Variants in PLPP4 observed in about 807,000 individuals in gnomAD.
PLPP4 encodes diacylglycerol pyrophosphate like 2.
In PLPP4, 20 loss-of-function variants were observed where a neutral mutation model predicts 32.2. That is an observed-to-expected ratio of 0.62 (90% CI 0.44 to 0.90). PLPP4 has a LOEUF of 0.90. Among genes scored for constraint, PLPP4 ranks in the 40% least tolerant of loss-of-function variants. The probability of loss-of-function intolerance (pLI) is 0.00; values close to 1 mark genes in which losing one functional copy is unlikely to be tolerated. For missense variants in PLPP4, 257 were observed against 353.1 expected, an observed-to-expected ratio of 0.73 and a Z score of 2.18; for synonymous variants, 127 against 133.0, an observed-to-expected ratio of 0.95 and a Z score of 0.31.
At chr10:120,484,354 T>C (rs1314022783) in intron 1 of PLPP4, among the ~76,000 whole-genome samples, 2 of 152,182 alleles carry the variant, frequency 1.3e-5, no homozygotes, top group African/African-American at 4.8e-5. Flanking sequence ...TACCTGAAAT[T>C]GGATAATTCA....
chr10:120,486,179 C>T (rs1431715903), intron 1 of PLPP4, among the ~76,000 whole-genome samples: 1 of 152,198 alleles, frequency 6.6e-6, no homozygotes, highest in African/African-American at 2.4e-5. Flanking sequence ...CACCCTCTAT[C>T]TTACTAGTGT....
chr10:120,465,343 G>A (rs1018913867), intron 1 of PLPP4, among the ~76,000 whole-genome samples: 3 of 152,164 alleles, frequency 2.0e-5, no homozygotes, highest in East Asian at 1.9e-4. Flanking sequence ...TGCCTGGGGC[G>A]AGTGAGAGGA....
intron 1 of PLPP4, among the ~76,000 whole-genome samples, chr10:120,491,627 T>C (rs565631175): frequency 6.6e-6 from 1 of 152,368 alleles, no homozygotes; most frequent in African/African-American, 2.4e-5. Flanking sequence ...AGCATCTCAA[T>C]GGCCAATGGG....
intron 6 of PLPP4, among the ~76,000 whole-genome samples, chr10:120,579,589 C>A (rs747864818): frequency 6.6e-6 from 1 of 152,148 alleles, no homozygotes. Flanking sequence ...ATACTTCTGG[C>A]CTCAAGAAGC....
At chr10:120,562,145 T>C (rs561608848) in intron 5 of PLPP4, among the ~76,000 whole-genome samples, 17 of 152,350 alleles carry the variant, frequency 1.1e-4, no homozygotes, top group African/African-American at 3.8e-4. Context: ...TTTAAAGGAT[T>C]TGCACATCAT....
chr10:120,561,683 G>A (rs1317350594), intron 5 of PLPP4, among the ~76,000 whole-genome samples: 1 of 152,106 alleles, frequency 6.6e-6, no homozygotes, highest in Non-Finnish European at 1.5e-5. Context: ...ATACAGTTGT[G>A]GTCATTCAGG....
At chr10:120,544,070 A>C (rs569916097) in intron 5 of PLPP4, among the ~76,000 whole-genome samples, 2 of 152,334 alleles carry the variant, frequency 1.3e-5, no homozygotes, top group African/African-American at 4.8e-5. Flanking sequence ...ATGCTGCTAC[A>C]GACACAGGGG....
intron 5 of PLPP4, among the ~76,000 whole-genome samples, chr10:120,552,716 G>A (rs1847968107): frequency 6.6e-6 from 1 of 152,108 alleles, no homozygotes; most frequent in African/African-American, 2.4e-5. Flanking sequence ...CTGAATCTAT[G>A]ACCTACTTTG....
chr10:120,457,593 C>T (rs939214135), intron 1 of PLPP4, among the ~76,000 whole-genome samples: 3 of 152,190 alleles, frequency 2.0e-5, no homozygotes, highest in Non-Finnish European at 2.9e-5. Context: ...CTGAGACCTG[C>T]TCCCGGGTCT....
In PLPP4 at chr10:120,513,917, T is replaced by G. The variant is rs749229296; in HGVS notation, c.172T>G (p.Ser58Ala). 6.2e-7 allele frequency: 1 copy of G among 1,613,718 alleles called. No individual in the cohort carries two copies. The highest frequency in any genetic ancestry group is 1.7e-5 in the Admixed American group (1 of 60,000). ...TGTTTGTTATTTCTTCCAGGCAATT[T>G]CTTTCCTCACACCCCTGGCTGTTAT... ...NIPTRLMFAISFLTPLAVICV... is the reference protein window; with the variant it reads ...NIPTRLMFAIAFLTPLAVICV... Residue 58 changes from serine to alanine, a missense_variant, in exon 3 of 7, where the codon TCT becomes GCT. By Grantham distance (99) the Ser-to-Ala change is moderately conservative (BLOSUM62 1). Coordinates refer to ENST00000398250, the MANE Select transcript of PLPP4 (RefSeq NM_001030059.3).
At position 120,590,727 on chromosome 10, in the gene PLPP4, GGTGCTACGAGGT is replaced by G. The variant is rs1237623600; in HGVS notation, c.*1227_*1238del. Among the ~76,000 whole-genome samples, 1 of 151,684 alleles carries G rather than the reference GGTGCTACGAGGT, an allele frequency of 6.6e-6. No homozygotes were observed. Among genetic ancestry groups the G allele is most frequent in the East Asian group, 1.9e-4 (1 of 5,154 alleles). ...GTGGTTGTTCAGATTCCTGGGCCTG[GGTGCTACGAGGT>G]GATGCATCTTTGCTATCCAGAGTGT... On this transcript the variant is annotated 3_prime_UTR_variant, in exon 7 of 7. Coordinates refer to ENST00000398250, the MANE Select transcript of PLPP4 (RefSeq NM_001030059.3).
intron 6 of PLPP4, among the ~76,000 whole-genome samples, chr10:120,583,177 G>A (rs572188325): frequency 1.3e-5 from 2 of 151,930 alleles, no homozygotes; most frequent in South Asian, 4.2e-4. Context: ...TGACAGAAGG[G>A]ATGATCTTCT....
At chr10:120,548,196 C>T (rs2133979258) in intron 5 of PLPP4, among the ~76,000 whole-genome samples, 1 of 152,116 alleles carries the variant, frequency 6.6e-6, no homozygotes, top group East Asian at 1.9e-4. Context: ...GCATAGTACT[C>T]AATAGGTGTT....
At chr10:120,468,773 T>A (rs1848403120) in intron 1 of PLPP4, among the ~76,000 whole-genome samples, 1 of 65,440 alleles carries the variant, frequency 1.5e-5, no homozygotes, top group Non-Finnish European at 4.5e-5. Flanking sequence ...ACTAAAATAC[T>A]TAAGAAAAAT....
At chr10:120,578,761 TC>T (rs1408460414) in intron 6 of PLPP4, among the ~76,000 whole-genome samples, 1 of 152,206 alleles carries the variant, frequency 6.6e-6, no homozygotes, top group Admixed American at 6.5e-5. Context: ...TAGCAGAACT[TC>T]CCCAGACACA....
chr10:120,541,160 C>G (rs757680838), intron 5 of PLPP4, among the ~76,000 whole-genome samples: 3 of 152,100 alleles, frequency 2.0e-5, no homozygotes, highest in Non-Finnish European at 2.9e-5. Flanking sequence ...AAGTATGTTT[C>G]TATATTGATG....
chr10:120,457,071 G>C, upstream of PLPP4: 1 of 201,450 alleles, frequency 5.0e-6, no homozygotes, highest in African/African-American at 2.3e-5. Context: ...TAGGAGGCGG[G>C]GTCCGCAGTA....
At position 120,518,844 on chromosome 10, in the gene PLPP4, G is replaced by A. The variant is rs756082048; in HGVS notation, c.268G>A (p.Ala90Thr). The A allele has an allele frequency of 5.0e-6, 8 of 1,612,330 alleles. No homozygotes were observed. In the South Asian group the frequency reaches 7.7e-5, roughly 16 times the overall value. The change falls in exon 4 of 7, where the codon GCT becomes ACT. Residue 90 changes from alanine to threonine, a missense_variant. Coordinates refer to ENST00000398250, the MANE Select transcript of PLPP4 (RefSeq NM_001030059.3). The stretch of plus-strand genomic sequence containing the variant: ...GTTTTGTTTTGTAGCGGTGTCCTTG[G>A]CTCTTGCTTTGAATGGAGTCTGCAC... ...IKEAFLAVSL[A>T]LALNGVCTNT...
intron 1 of PLPP4, among the ~76,000 whole-genome samples, chr10:120,488,627 A>G (rs373047770): frequency 5.9e-4 from 90 of 152,352 alleles, no homozygotes; most frequent in Non-Finnish European, 1.2e-3. Flanking sequence ...AGTCACTGCT[A>G]GTTAGCTCTT....
Sources: allele counts gnomAD v4.1 joint callset (sites outside exome capture counted in the v4.1 genomes callset), GRCh38; gene constraint gnomAD v4.1.1; transcripts MANE v1.5; gene names NCBI Gene and HGNC (gene_info 2026-07-23, HGNC 2026-07-21).